RARB: variants seen among roughly 807,000 people sequenced by gnomAD.
The protein encoded by RARB is retinoic acid receptor beta, also known as HBV-activated protein.
RARB carries 17 observed loss-of-function variants against 51.9 expected under a neutral mutation model. That is an observed-to-expected ratio of 0.33 (90% CI 0.22 to 0.49). The LOEUF is 0.49. RARB is among the 20% of genes least tolerant of loss of function. RARB has a pLI of 0.99. For missense variants in RARB, 369 were observed against 550.8 expected, an observed-to-expected ratio of 0.67 and a Z score of 3.30; for synonymous variants, 215 against 195.4, an observed-to-expected ratio of 1.10 and a Z score of -0.84.
chr3:25,232,149 A>G (rs977324552), intron 5 of RARB, among the ~76,000 whole-genome samples: 4 of 152,158 alleles, frequency 2.6e-5, no homozygotes, highest in African/African-American at 7.2e-5. Context: ...TAAAAGGTTA[A>G]TTGACCATTG....
At chr3:25,068,349 C>G (rs1324249416) in intron 3 of RARB, among the ~76,000 whole-genome samples, 1 of 151,602 alleles carries the variant, frequency 6.6e-6, no homozygotes, top group Non-Finnish European at 1.5e-5. Flanking sequence ...GTAGAAGACA[C>G]AAGTTGCAGA....
chr3:25,364,684 G>T (rs1706056212), intron 5 of RARB, among the ~76,000 whole-genome samples: 1 of 152,180 alleles, frequency 6.6e-6, no homozygotes, highest in African/African-American at 2.4e-5. Flanking sequence ...CACAGTGAAG[G>T]TTGTTTCTAT....
At chr3:25,455,343 G>A (rs1329516063) in intron 1 of RARB, among the ~76,000 whole-genome samples, 2 of 152,032 alleles carry the variant, frequency 1.3e-5, no homozygotes, top group African/African-American at 4.8e-5. Flanking sequence ...ACTAAGAAAT[G>A]GTGCTTCACC....
intron 5 of RARB, among the ~76,000 whole-genome samples, chr3:25,377,213 A>G (rs1706489806): frequency 6.6e-6 from 1 of 152,200 alleles, no homozygotes; most frequent in African/African-American, 2.4e-5. Context: ...ATCAGCAGTC[A>G]AAGAACAGGT....
chr3:25,317,560 G>T (rs1005424579), intron 5 of RARB, among the ~76,000 whole-genome samples: 2 of 152,008 alleles, frequency 1.3e-5, no homozygotes, highest in African/African-American at 4.8e-5. Context: ...AATAACATGG[G>T]TAGTAACCAT....
At chr3:25,582,659 G>T (rs1701225061) in intron 5 of RARB, among the ~76,000 whole-genome samples, 1 of 151,894 alleles carries the variant, frequency 6.6e-6, no homozygotes, top group Admixed American at 6.6e-5. Context: ...CCTCAATTTA[G>T]AAATCCCCTT....
chr3:25,164,423 T>G (rs771118036), intron 4 of RARB, among the ~76,000 whole-genome samples: 9 of 150,772 alleles, frequency 6.0e-5, no homozygotes, highest in Non-Finnish European at 1.0e-4. Context: ...GACCTGACAT[T>G]CTGTGGCAAC....
At chr3:25,122,851 C>T (rs1176098621) in intron 3 of RARB, among the ~76,000 whole-genome samples, 1 of 152,118 alleles carries the variant, frequency 6.6e-6, no homozygotes, top group Non-Finnish European at 1.5e-5. Flanking sequence ...ACCCAAAATG[C>T]CCCAAACGGT....
chr3:25,500,455 T>TTTTTTTTTTTTTTTTTC (rs1697250601), intron 2 of RARB, among the ~76,000 whole-genome samples: 1 of 54,416 alleles, frequency 1.8e-5, no homozygotes, highest in African/African-American at 1.3e-4. Flanking sequence ...TCTTTTCTTG[T>TTTTTTTTTTTTTTTTTC]TTTTTTTTTT....
intron 5 of RARB, among the ~76,000 whole-genome samples, chr3:25,236,826 G>T (rs1005953005): frequency 6.6e-6 from 1 of 151,678 alleles, no homozygotes; most frequent in Non-Finnish European, 1.5e-5. Flanking sequence ...GAACTTTTTT[G>T]AATGTAAGTA....
At chr3:24,973,757 C>T (rs1696450426) in intron 2 of RARB, among the ~76,000 whole-genome samples, 1 of 151,948 alleles carries the variant, frequency 6.6e-6, no homozygotes, top group African/African-American at 2.4e-5. Context: ...AGAGTGTTCA[C>T]TGTTGGCATA....
At chr3:25,283,547 G>T (rs750060897) in intron 5 of RARB, among the ~76,000 whole-genome samples, 1 of 152,220 alleles carries the variant, frequency 6.6e-6, no homozygotes, top group Non-Finnish European at 1.5e-5. Context: ...ACACCTTAGA[G>T]GTGGCTCATT....
At chr3:25,473,893 C>G (rs1036253135) in intron 2 of RARB, among the ~76,000 whole-genome samples, 1 of 105,142 alleles carries the variant, frequency 9.5e-6, no homozygotes, top group Non-Finnish European at 1.8e-5. Flanking sequence ...GGTTCTGCTT[C>G]TATGGAGGTA....
chr3:25,456,680 TATAG>T (rs376007367), intron 1 of RARB, among the ~76,000 whole-genome samples: 2,238 of 99,758 alleles, frequency 0.022, 11 homozygotes, highest in Middle Eastern at 0.035. Context: ...TATATATATA[TATAG>T]AGAGAGAGAG....
At chr3:24,877,856 G>T (rs1169696488) in intron 2 of RARB, among the ~76,000 whole-genome samples, 5 of 152,160 alleles carry the variant, frequency 3.3e-5, no homozygotes, top group Non-Finnish European at 7.3e-5. Context: ...ATGTCCACAT[G>T]AATGTGAGCC....
intron 4 of RARB, among the ~76,000 whole-genome samples, chr3:25,158,773 C>A (rs1700421026): frequency 6.6e-6 from 1 of 152,186 alleles, no homozygotes; most frequent in African/African-American, 2.4e-5. Context: ...TCATCCAGTG[C>A]AGGCACGTAG....
At chr3:24,914,286 C>G (rs529089913) in intron 2 of RARB, among the ~76,000 whole-genome samples, 50 of 152,256 alleles carry the variant, frequency 3.3e-4, no homozygotes, top group African/African-American at 1.2e-3. Flanking sequence ...TGTGGCATCT[C>G]AGTGACAAAT....
At chr3:25,544,666 C>A (rs944810803) in intron 3 of RARB, among the ~76,000 whole-genome samples, 6 of 152,186 alleles carry the variant, frequency 3.9e-5, no homozygotes, top group African/African-American at 1.4e-4. Flanking sequence ...TTGACATGGT[C>A]ATTCCCCCGC....
chr3:25,539,861 T>TCA (rs1699304267), intron 3 of RARB, among the ~76,000 whole-genome samples: 1 of 152,152 alleles, frequency 6.6e-6, no homozygotes, highest in Non-Finnish European at 1.5e-5. Context: ...GTGGGTCCAT[T>TCA]TATATATAAA....
Sources: allele counts gnomAD v4.1 joint callset (sites outside exome capture counted in the v4.1 genomes callset), GRCh38; gene constraint gnomAD v4.1.1; transcripts MANE v1.5; gene names NCBI Gene and HGNC (gene_info 2026-07-23, HGNC 2026-07-21).